The following MED15 variants were observed in gnomAD, a reference collection of about 807,000 sequenced individuals.
MED15 encodes the protein mediator of RNA polymerase II transcription subunit 15.
A neutral mutation model predicts 118.7 loss-of-function variants in MED15; 41 were observed. The observed-to-expected ratio is 0.35, with a 90% confidence interval of 0.27 to 0.45. The LOEUF (loss-of-function observed/expected upper bound fraction) is 0.45, where lower values mean the gene tolerates loss of function less well. Ranked by LOEUF, MED15 falls within the 20% of genes least tolerant of loss-of-function variation. MED15 has a pLI of 1.00. For synonymous variants in MED15, 436 were observed against 413.9 expected (o/e 1.05, Z -0.65); for missense variants, 740 against 1,025.5 (o/e 0.72, Z 3.80).
At chr22:20,519,306 G>C (rs1287614774) in intron 1 of MED15, among the ~76,000 whole-genome samples, 1 of 152,164 alleles carries the variant, frequency 6.6e-6, no homozygotes, top group Non-Finnish European at 1.5e-5. Context: ...TCTAGGTGCA[G>C]GGCTGTTAAT....
chr22:20,542,639 G>A (rs7292126), intron 2 of MED15, among the ~76,000 whole-genome samples: 83,782 of 152,074 alleles, frequency 0.55, 23,439 homozygotes, highest in Admixed American at 0.68. Context: ...TTCTTAAAGG[G>A]TAGCACATGT....
intron 5 of MED15, among the ~76,000 whole-genome samples, chr22:20,560,302 G>T (rs1188500414): frequency 2.6e-5 from 4 of 151,944 alleles, no homozygotes. Context: ...ATCTCGCTCT[G>T]TCAACAGGCT....
intron 5 of MED15, among the ~76,000 whole-genome samples, chr22:20,561,476 C>T (rs151276297): frequency 5.3e-5 from 8 of 151,132 alleles, no homozygotes; most frequent in Non-Finnish European, 1.0e-4. Flanking sequence ...ACCGAGATCA[C>T]GCCACTGCAC....
chr22:20,582,167 G>A (rs947274683), intron 9 of MED15: 10 of 224,024 alleles, frequency 4.5e-5, no homozygotes, highest in East Asian at 3.3e-4. Context: ...TGGGGGCTGC[G>A]GGGGCTTGTG....
intron 1 of MED15, among the ~76,000 whole-genome samples, chr22:20,513,080 A>T (rs1316065721): frequency 6.6e-6 from 1 of 150,990 alleles, no homozygotes; most frequent in African/African-American, 2.4e-5. Flanking sequence ...TTATTTTTTT[A>T]TTTTTTTAAG....
At chr22:20,540,555 CAG>C in intron 2 of MED15, among the ~76,000 whole-genome samples, 1 of 152,176 alleles carries the variant, frequency 6.6e-6, no homozygotes, top group Admixed American at 6.5e-5. Context: ...GCCTGGGTGA[CAG>C]AGTGAGACTC....
intron 3 of MED15, among the ~76,000 whole-genome samples, chr22:20,552,178 C>T (rs2055803889): frequency 6.6e-6 from 1 of 152,254 alleles, no homozygotes; most frequent in Non-Finnish European, 1.5e-5. Context: ...TCTGTGTTTT[C>T]AGCCAACAAT....
intron 1 of MED15, chr22:20,507,971 T>C: frequency 7.0e-7 from 1 of 1,436,590 alleles, no homozygotes; most frequent in Admixed American, 2.9e-5. Flanking sequence ...CAACGAGCCC[T>C]GGCTTATGAA....
In MED15 at chr22:20,510,254, C is replaced by T. The variant is rs138922048; in HGVS notation, c.68+2508C>T. ...TCCAAAAATTAGCTGGGTGTGATGG[C>T]GCACACCTGTAGTCCCAGCTACTCA... On this transcript the variant is annotated intron_variant, in intron 1 of 17. Transcript: ENST00000263205. Among the ~76,000 whole-genome samples the T allele has an allele frequency of 6.1e-3, 934 of 152,154 alleles. 10 individuals are homozygous for T. The highest frequency in any genetic ancestry group is 0.021 in the African/African-American group (887 of 41,488).
At chr22:20,521,405 TG>T (rs753404424) in intron 1 of MED15, among the ~76,000 whole-genome samples, 56 of 150,232 alleles carry the variant, frequency 3.7e-4, no homozygotes, top group African/African-American at 9.3e-4. Context: ...CCTGTGTTTT[TG>T]TTTTTTTTGA....
chr22:20,533,408 C>G (rs538912147), intron 1 of MED15, among the ~76,000 whole-genome samples: 7 of 152,318 alleles, frequency 4.6e-5, no homozygotes, highest in African/African-American at 1.7e-4. Flanking sequence ...AAACTAGAAA[C>G]AGGAGCAAAG....
chr22:20,528,781 ACC>A lies in MED15; in HGVS notation c.69-8334_69-8333del, dbSNP rs535505689. ...AGACCAGAGCACAGATGACCACACA[ACC>A]CACCTCTCTCAGTGTCCTACCTGTG... On this transcript the variant is annotated intron_variant, in intron 1 of 17. Transcript: ENST00000263205. 6.1e-3 allele frequency among the ~76,000 whole-genome samples: 930 copies of A among 152,168 alleles called. 9 individuals carry two copies. The highest frequency in any genetic ancestry group is 0.021 in the African/African-American group (884 of 41,510).
intron 1 of MED15, among the ~76,000 whole-genome samples, chr22:20,533,743 G>A (rs2054944248): frequency 6.6e-6 from 1 of 152,170 alleles, no homozygotes; most frequent in African/African-American, 2.4e-5. Flanking sequence ...GTAGCTGACG[G>A]TGCCCACAGT....
chr22:20,544,751 G>A (rs2055458434), intron 2 of MED15, among the ~76,000 whole-genome samples: 1 of 152,196 alleles, frequency 6.6e-6, no homozygotes, highest in South Asian at 2.1e-4. Flanking sequence ...AAATCGCAGT[G>A]GCAGCAGGGA....
intron 5 of MED15, among the ~76,000 whole-genome samples, chr22:20,557,858 G>A (rs1184063568): frequency 6.6e-6 from 1 of 152,222 alleles, no homozygotes; most frequent in African/African-American, 2.4e-5. Flanking sequence ...TGTAATCCCA[G>A]CACTTTGGGA....
chr22:20,525,733 T>C (rs998547764), intron 1 of MED15, among the ~76,000 whole-genome samples: 40 of 151,096 alleles, frequency 2.6e-4, no homozygotes, highest in African/African-American at 9.7e-4. Context: ...ACGGGGTTTC[T>C]CCATGTTGGT....
chr22:20,582,483 T>G (rs1456400145), intron 9 of MED15, 128 bp from the exon 10 acceptor site: 2 of 1,415,828 alleles, frequency 1.4e-6, no homozygotes, highest in African/African-American at 2.8e-5. Flanking sequence ...CAGGTGGCAT[T>G]TGGATGAAGA....
intron 8 of MED15, 94 bp downstream of exon 8, chr22:20,568,725 G>C: frequency 6.6e-7 from 1 of 1,523,632 alleles, no homozygotes; most frequent in South Asian, 1.2e-5. Flanking sequence ...GTTGGATTAG[G>C]GGCTGGGGGC....
chr22:20,585,179 G>A lies in MED15; in HGVS notation c.2043G>A (p.Glu681=), dbSNP rs965343691. 1.9e-5 allele frequency: 31 copies of A among 1,613,822 alleles called. No homozygotes were observed. The highest frequency in any genetic ancestry group is 2.6e-5 in the Non-Finnish European group (31 of 1,180,028). ...GCATCCCCAGTGTGCTCCAGGGTGAGGTGGCCAGGCTGGACCCCAAGTTCC... is the reference window on the plus strand; with the variant it reads ...GCATCCCCAGTGTGCTCCAGGGTGAAGTGGCCAGGCTGGACCCCAAGTTCC... The part of the protein sequence containing the change: ...RQSIPSVLQG[E]VARLDPKFLV... The change falls in exon 16 of 18, where the codon GAG becomes GAA. Residue 681 remains glutamate, a synonymous_variant. Transcript: ENST00000263205.
Sources: allele counts gnomAD v4.1 joint callset (sites outside exome capture counted in the v4.1 genomes callset), GRCh38; gene constraint gnomAD v4.1.1; transcripts MANE v1.5; gene names NCBI Gene and HGNC (gene_info 2026-07-23, HGNC 2026-07-21).